Variants in DYTN observed in about 807,000 individuals in gnomAD.
DYTN encodes the protein dystrotelin.
In DYTN, 75 loss-of-function variants were observed where a neutral mutation model predicts 69.6. The ratio of observed to expected loss-of-function variants is 1.08; its 90% confidence interval spans 0.89 to 1.31. DYTN has a LOEUF of 1.31. Ranked by LOEUF, DYTN falls within the 50% of genes most tolerant of loss-of-function variation. The pLI is 0.00. For synonymous variants in DYTN, 252 were observed against 249.1 expected (o/e 1.01, Z -0.11); for missense variants, 726 against 688.4 (o/e 1.05, Z -0.61).
At chr2:206,683,304 T>C (rs1699770935) in intron 9 of DYTN, among the ~76,000 whole-genome samples, 1 of 151,298 alleles carries the variant, frequency 6.6e-6, no homozygotes, top group Non-Finnish European at 1.5e-5. Context: ...GCCTTCCATC[T>C]GCCCCCACTT....
At position 206,656,333 on chromosome 2, in the gene DYTN, A is replaced by G. The variant is rs534612065; in HGVS notation, c.1634-4412T>C. ...TTTTTGAATACCATTAACATAAAAT[A>G]TCTTTTTCCATACCTTCATTTTCAG... is the stretch of plus-strand genomic sequence containing the variant. On this transcript the variant is annotated intron_variant, in intron 11 of 11. Transcript: ENST00000452335. Among the ~76,000 whole-genome samples the G allele has an allele frequency of 4.6e-5, 7 of 152,358 alleles. No homozygotes were observed. In the South Asian group the frequency reaches 8.3e-4, roughly 18 times the overall value.
chr2:206,663,383 G>A lies in DYTN; in HGVS notation c.1153C>T (p.Pro385Ser), dbSNP rs367667719. 60 of 1,590,368 alleles carry A rather than the reference G, an allele frequency of 3.8e-5. No homozygotes were observed. Among genetic ancestry groups the A allele is most frequent in the Non-Finnish European group, 4.9e-5 (57 of 1,169,568 alleles). ...AAGGAAGAAGATGAAGGACCGGGTG[G>A]CTGCAACCTTGCCTGGGGAAACAAA... Reference protein sequence around the residue: ...IRRDLQARLQPPGPSSSSFQN... With the variant: ...IRRDLQARLQSPGPSSSSFQN... The change falls in exon 11 of 12, where the codon CCA becomes TCA. Residue 385 changes from proline to serine, a missense_variant. By Grantham distance (74) the Pro-to-Ser change is moderately conservative. Transcript: ENST00000452335.
chr2:206,703,628 TC>T (rs1699996921), intron 5 of DYTN, among the ~76,000 whole-genome samples: 3 of 152,204 alleles, frequency 2.0e-5, no homozygotes, highest in Non-Finnish European at 4.4e-5. Context: ...TGAAACCAAA[TC>T]AAAGCAAAGA....
intron 11 of DYTN, 96 bp from the exon 12 acceptor site, chr2:206,652,017 C>T: frequency 2.6e-6 from 3 of 1,158,870 alleles, no homozygotes; most frequent in Non-Finnish European, 1.2e-6. Context: ...GAAACAGAAT[C>T]CATTTTTCTT....
chr2:206,709,793 A>G (rs940394435), intron 2 of DYTN, among the ~76,000 whole-genome samples: 6 of 152,196 alleles, frequency 3.9e-5, no homozygotes, highest in African/African-American at 1.4e-4. Flanking sequence ...TTTTTCTTTC[A>G]TGCAGTGAGA....
At position 206,691,678 on chromosome 2, in the gene DYTN, A is replaced by T. The variant is rs1381391805; in HGVS notation, c.980+1497T>A. Among the ~76,000 whole-genome samples, 4 of 152,230 alleles carry T rather than the reference A, an allele frequency of 2.6e-5. No individual in the cohort carries two copies. The South Asian group carries it at 6.2e-4, about 24-fold the overall frequency. ...ATTATCTAACTTTAATCATATATTGATTAACAACCTGATAGGTAAATGTGA... is the reference window on the plus strand; with the variant it reads ...ATTATCTAACTTTAATCATATATTGTTTAACAACCTGATAGGTAAATGTGA... On this transcript the variant is annotated intron_variant, in intron 9 of 11. Transcript: ENST00000452335.
intron 4 of DYTN, among the ~76,000 whole-genome samples, 184 bp downstream of exon 4, chr2:206,705,603 AG>A (rs1284065886): frequency 6.6e-6 from 1 of 152,244 alleles, no homozygotes; most frequent in Non-Finnish European, 1.5e-5. Context: ...CCAAGAAACA[AG>A]TAATTAGGAA....
chr2:206,656,572 G>C (rs932236280), intron 11 of DYTN, among the ~76,000 whole-genome samples: 1 of 151,936 alleles, frequency 6.6e-6, no homozygotes, highest in Non-Finnish European at 1.5e-5. Context: ...CTTCTAGTTT[G>C]CTGTCTTTTT....
At chr2:206,694,566 C>T (rs16838587) in intron 8 of DYTN, among the ~76,000 whole-genome samples, 200 bp downstream of exon 8, 11,987 of 152,120 alleles carry the variant, frequency 0.079, 1,643 homozygotes, top group African/African-American at 0.27. Context: ...CCAAAAACTT[C>T]CACTGAGACA....
intron 9 of DYTN, chr2:206,686,369 G>A (rs1699805742): frequency 6.6e-6 from 1 of 152,194 alleles, no homozygotes; most frequent in Admixed American, 6.5e-5. Flanking sequence ...AAAAATAATT[G>A]TAATTTAAGG....
chr2:206,695,004 T>C, intron 7 of DYTN, 127 bp from the exon 8 acceptor site: 1 of 613,614 alleles, frequency 1.6e-6, no homozygotes, highest in South Asian at 2.6e-5. Context: ...CAAATCAGTG[T>C]AAAGTTTCTC....
intron 5 of DYTN, among the ~76,000 whole-genome samples, chr2:206,704,045 C>G (rs980792894): frequency 2.6e-5 from 4 of 152,172 alleles, no homozygotes; most frequent in African/African-American, 7.2e-5. Context: ...CAAATGTACA[C>G]ATTCTTAAAC....
chr2:206,675,385 A>G (rs1699675042), intron 9 of DYTN, among the ~76,000 whole-genome samples: 1 of 150,548 alleles, frequency 6.6e-6, no homozygotes. Flanking sequence ...AAGATGTTCA[A>G]AATAAACCAA....
In DYTN at chr2:206,686,927, G is replaced by A. The variant is rs539288966; in HGVS notation, c.980+6248C>T. 1.9e-5 allele frequency: 3 copies of A among 154,006 alleles called. No individual in the cohort carries two copies. The South Asian group carries it at 6.1e-4, about 31-fold the overall frequency. 9.5% of individuals were successfully genotyped at this position (154,006 alleles called of 1,614,324 possible). On this transcript the variant is annotated intron_variant, in intron 9 of 11. Coordinates refer to ENST00000452335, the MANE Select transcript of DYTN (RefSeq NM_001093730.1). ...ATAATCTGTGAAGTCCACAGGACTTGGAGTCAACTTCCCCTCCTGAGGAGC... is the reference window on the plus strand; with the variant it reads ...ATAATCTGTGAAGTCCACAGGACTTAGAGTCAACTTCCCCTCCTGAGGAGC...
chr2:206,653,437 T>C (rs1699410652), intron 11 of DYTN, among the ~76,000 whole-genome samples: 1 of 152,196 alleles, frequency 6.6e-6, no homozygotes, highest in African/African-American at 2.4e-5. Context: ...CCTAATGAGA[T>C]GTTAGATGGA....
At position 206,679,821 on chromosome 2, in the gene DYTN, A is replaced by G. The variant is rs142924842; in HGVS notation, c.980+13354T>C. On this transcript the variant is annotated intron_variant, in intron 9 of 11. Transcript: ENST00000452335. ...ACCAGGGGTGTGCATTTTGGGGTAG[A>G]AGAATAGGGTGACCCACAGTTTCTT... 8.3e-3 allele frequency among the ~76,000 whole-genome samples: 1,269 copies of G among 152,314 alleles called. 16 individuals are homozygous for G. Among genetic ancestry groups the G allele is most frequent in the South Asian group, 0.045 (219 of 4,820 alleles).
intron 11 of DYTN, among the ~76,000 whole-genome samples, chr2:206,659,313 A>C (rs901014174): frequency 6.6e-6 from 1 of 151,198 alleles, no homozygotes; most frequent in Non-Finnish European, 1.5e-5. Flanking sequence ...CTGGGACTAC[A>C]GGCTCCAGCC....
At chr2:206,692,180 G>T (rs1347546588) in intron 9 of DYTN, among the ~76,000 whole-genome samples, 1 of 151,250 alleles carries the variant, frequency 6.6e-6, no homozygotes, top group Non-Finnish European at 1.5e-5. Context: ...TGGGAGAATC[G>T]CTTAAGTCCC....
At chr2:206,657,732 T>G (rs1197402133) in intron 11 of DYTN, among the ~76,000 whole-genome samples, 1 of 152,184 alleles carries the variant, frequency 6.6e-6, no homozygotes, top group Non-Finnish European at 1.5e-5. Context: ...TGTTATAATC[T>G]TATAAGGGTT....
Sources: allele counts gnomAD v4.1 joint callset (sites outside exome capture counted in the v4.1 genomes callset), GRCh38; gene constraint gnomAD v4.1.1; transcripts MANE v1.5; gene names NCBI Gene and HGNC (gene_info 2026-07-23, HGNC 2026-07-21).